Variants in BCKDHB observed in about 807,000 individuals in gnomAD.
BCKDHB encodes branched chain keto acid dehydrogenase E1 subunit beta.
Under a neutral mutation model 48.5 loss-of-function variants are expected in BCKDHB, and 41 were observed. That is an observed-to-expected ratio of 0.85 (90% CI 0.66 to 1.10). The LOEUF is 1.10. Ranked by LOEUF, BCKDHB falls within the 50% of genes least tolerant of loss-of-function variation. BCKDHB has a pLI of 0.00. For synonymous variants in BCKDHB, 201 were observed against 174.8 expected (o/e 1.15, Z -1.18); for missense variants, 496 against 494.2 (o/e 1.00, Z -0.03).
chr6:80,351,416 G>A, the BCKDHB span, among the ~76,000 whole-genome samples: 1 of 152,052 alleles, frequency 6.6e-6, no homozygotes, highest in Non-Finnish European at 1.5e-5. Flanking sequence ...TTCTGTTCTT[G>A]TAGTTACAAA....
At chr6:80,205,417 C>T (rs908518155) in intron 8 of BCKDHB, among the ~76,000 whole-genome samples, 13 of 151,846 alleles carry the variant, frequency 8.6e-5, no homozygotes, top group South Asian at 2.1e-4. Flanking sequence ...TCTTTTGGAA[C>T]GCCTGATCAA....
chr6:80,167,263 C>T (rs1381046844), intron 3 of BCKDHB, among the ~76,000 whole-genome samples: 4 of 151,512 alleles, frequency 2.6e-5, no homozygotes, highest in Non-Finnish European at 5.9e-5. Context: ...TTTTAACAAC[C>T]TTTCTCTGTC....
chr6:80,363,404 A>G, the BCKDHB span, among the ~76,000 whole-genome samples: 1 of 152,204 alleles, frequency 6.6e-6, no homozygotes, highest in Non-Finnish European at 1.5e-5. Flanking sequence ...TGTTTTTTCA[A>G]GAGCTTATCT....
At chr6:80,246,987 C>A (rs534247085) in intron 8 of BCKDHB, among the ~76,000 whole-genome samples, 2 of 152,058 alleles carry the variant, frequency 1.3e-5, no homozygotes, top group East Asian at 3.9e-4. Context: ...GGCAATCAAA[C>A]TTATATTTCT....
the BCKDHB span, chr6:80,356,884 C>G: frequency 6.6e-6 from 1 of 151,502 alleles, no homozygotes; most frequent in Non-Finnish European, 1.5e-5. Flanking sequence ...CTGTCACCCC[C>G]GACTCCTTCT....
the BCKDHB span, among the ~76,000 whole-genome samples, chr6:80,404,441 T>C: frequency 1.4e-5 from 2 of 138,506 alleles, no homozygotes; most frequent in African/African-American, 4.9e-5. Flanking sequence ...TAATTTTATT[T>C]ATTTGAGTCT....
At chr6:80,300,430 T>TA (rs1191001038) in intron 9 of BCKDHB, among the ~76,000 whole-genome samples, 2 of 152,190 alleles carry the variant, frequency 1.3e-5, no homozygotes, top group Non-Finnish European at 2.9e-5. Flanking sequence ...TACATAATGA[T>TA]AAAGGGTACA....
the BCKDHB span, chr6:80,373,985 C>T: frequency 5.1e-6 from 3 of 583,680 alleles, no homozygotes; most frequent in South Asian, 2.9e-5. Context: ...TTTCTTTTTC[C>T]TTTTAATTGC....
At chr6:80,109,003 G>A (rs1049475420) in intron 1 of BCKDHB, among the ~76,000 whole-genome samples, 3 of 152,108 alleles carry the variant, frequency 2.0e-5, no homozygotes, top group African/African-American at 7.2e-5. Context: ...AACTTATTTA[G>A]TCGGAAGAAT....
At chr6:80,268,233 A>T (rs992149727) in intron 8 of BCKDHB, among the ~76,000 whole-genome samples, 1 of 152,130 alleles carries the variant, frequency 6.6e-6, no homozygotes, top group Non-Finnish European at 1.5e-5. Flanking sequence ...GTCTCAAAAA[A>T]TGTATCTAAT....
At chr6:80,446,122 C>T in the BCKDHB span, among the ~76,000 whole-genome samples, 1 of 152,260 alleles carries the variant, frequency 6.6e-6, no homozygotes, top group African/African-American at 2.4e-5. Flanking sequence ...CAACAAAAAG[C>T]TAAGGTGCTC....
intron 9 of BCKDHB, among the ~76,000 whole-genome samples, chr6:80,282,553 A>G (rs1766389735): frequency 6.6e-6 from 1 of 152,156 alleles, no homozygotes; most frequent in Non-Finnish European, 1.5e-5. Context: ...CCACTTGATG[A>G]ATGTTATGGA....
chr6:80,371,965 C>T, the BCKDHB span, among the ~76,000 whole-genome samples: 19 of 151,918 alleles, frequency 1.3e-4, no homozygotes, highest in African/African-American at 4.1e-4. Flanking sequence ...GCTATGTGGG[C>T]TCTTTTTTTG....
At chr6:80,193,396 A>G (rs937915074) in intron 6 of BCKDHB, among the ~76,000 whole-genome samples, 10 of 152,184 alleles carry the variant, frequency 6.6e-5, no homozygotes, top group African/African-American at 2.4e-4. Flanking sequence ...CCTTAAAATC[A>G]TGTTTTATAT....
At chr6:80,307,124 T>A (rs1562218851) in intron 9 of BCKDHB, among the ~76,000 whole-genome samples, 1 of 152,202 alleles carries the variant, frequency 6.6e-6, no homozygotes, top group Non-Finnish European at 1.5e-5. Flanking sequence ...CCAACTTTTC[T>A]TTCCCAAGAG....
At chr6:80,106,921 T>A (rs1385496504) in intron 1 of BCKDHB, 32 bp downstream of exon 1, 2 of 1,579,152 alleles carry the variant, frequency 1.3e-6, no homozygotes, top group East Asian at 4.6e-5. Context: ...TCGGTCCCGC[T>A]GCAGCCCGGA....
At chr6:80,212,962 C>G (rs1472635329) in intron 8 of BCKDHB, among the ~76,000 whole-genome samples, 1 of 152,150 alleles carries the variant, frequency 6.6e-6, no homozygotes, top group Non-Finnish European at 1.5e-5. Context: ...GATCTTTCTT[C>G]CAAGTTCTGT....
intron 3 of BCKDHB, among the ~76,000 whole-genome samples, chr6:80,145,816 G>A: frequency 6.6e-6 from 1 of 152,136 alleles, no homozygotes; most frequent in Admixed American, 6.6e-5. Flanking sequence ...TACTGTTGAA[G>A]TATAATAAAC....
chr6:80,185,632 C>T (rs1339634808), intron 6 of BCKDHB, among the ~76,000 whole-genome samples: 1 of 152,134 alleles, frequency 6.6e-6, no homozygotes, highest in African/African-American at 2.4e-5. Context: ...GTGATGTTCT[C>T]CCCTTCACCT....
Sources: allele counts gnomAD v4.1 joint callset (sites outside exome capture counted in the v4.1 genomes callset), GRCh38; gene constraint gnomAD v4.1.1; transcripts MANE v1.5; gene names NCBI Gene and HGNC (gene_info 2026-07-23, HGNC 2026-07-21).